Variants in CPA6 observed in about 807,000 individuals in gnomAD.
CPA6 encodes carboxypeptidase B.
A neutral mutation model predicts 63.3 loss-of-function variants in CPA6; 58 were observed. The observed-to-expected ratio is 0.92, with a 90% CI of 0.74 to 1.14. The LOEUF (loss-of-function observed/expected upper bound fraction) is 1.14. Among genes scored for constraint, CPA6 ranks in the 50% most tolerant of loss-of-function variants. CPA6 has a pLI of 0.00. For synonymous variants in CPA6, 185 were observed against 179.0 expected (o/e 1.03, Z -0.27); for missense variants, 565 against 526.6 (o/e 1.07, Z -0.71).
At position 67,537,521 on chromosome 8, in the gene CPA6, T is replaced by C. The variant is rs532009577; in HGVS notation, c.193-19474A>G. Among the ~76,000 whole-genome samples, 16 of 152,348 alleles carry C rather than the reference T, an allele frequency of 1.1e-4. No individual in the cohort carries two copies. The South Asian group carries it at 3.1e-3, about 30-fold the overall frequency. ...ATTCTCTGATGGTAGTTTGTATTTG[T>C]GTGGGATCAGTGGTGATATCCCCTT... On this transcript the variant is annotated intron_variant, in intron 2 of 10. Coordinates refer to ENST00000297770, the MANE Select transcript of CPA6 (RefSeq NM_020361.5).
chr8:67,686,361 T>TG (rs1816708779), intron 1 of CPA6, among the ~76,000 whole-genome samples: 1 of 152,232 alleles, frequency 6.6e-6, no homozygotes. Context: ...GGGCTGCTGT[T>TG]GCCCATCTGT....
intron 1 of CPA6, among the ~76,000 whole-genome samples, chr8:67,723,615 CTTAA>C (rs1248062477): frequency 5.3e-5 from 8 of 152,296 alleles, no homozygotes; most frequent in African/African-American, 1.7e-4. Flanking sequence ...AATTAAAACA[CTTAA>C]TTGTTTTAAT....
chr8:67,546,662 A>T (rs187284184), intron 2 of CPA6, among the ~76,000 whole-genome samples: 2 of 152,252 alleles, frequency 1.3e-5, no homozygotes, highest in Admixed American at 1.3e-4. Context: ...TCAGTAAACC[A>T]GGGGTGGAGT....
intron 1 of CPA6, among the ~76,000 whole-genome samples, chr8:67,641,541 C>T (rs1815591752): frequency 6.6e-6 from 1 of 152,124 alleles, no homozygotes; most frequent in Non-Finnish European, 1.5e-5. Context: ...ATTGAAAGTG[C>T]AGTATGGAGT....
At chr8:67,439,412 C>G (rs1587425767) in intron 8 of CPA6, among the ~76,000 whole-genome samples, 1 of 151,528 alleles carries the variant, frequency 6.6e-6, no homozygotes, top group East Asian at 1.9e-4. Flanking sequence ...CATGGTGAAA[C>G]CCTGTTTCTA....
At chr8:67,440,901 G>A (rs1372035730) in intron 8 of CPA6, among the ~76,000 whole-genome samples, 1 of 152,108 alleles carries the variant, frequency 6.6e-6, no homozygotes, top group Non-Finnish European at 1.5e-5. Context: ...TGTTCACATG[G>A]CTTTCTTCCC....
chr8:67,459,594 T>C (rs921521396), intron 8 of CPA6, among the ~76,000 whole-genome samples: 1 of 152,102 alleles, frequency 6.6e-6, no homozygotes, highest in East Asian at 1.9e-4. Context: ...GGATTCATGG[T>C]TGTCATGGGG....
intron 2 of CPA6, among the ~76,000 whole-genome samples, chr8:67,544,400 C>T (rs1484597814): frequency 3.3e-5 from 5 of 152,152 alleles, no homozygotes; most frequent in Non-Finnish European, 1.5e-5. Context: ...TTGCTTTTTT[C>T]TGTTGTGTGC....
At chr8:67,517,896 T>C (rs2128966791) in intron 3 of CPA6, 27 bp downstream of exon 3, 2 of 1,584,560 alleles carry the variant, frequency 1.3e-6, no homozygotes, top group South Asian at 1.2e-5. Flanking sequence ...CCAATAAATT[T>C]TATAGCAAGT....
At chr8:67,724,271 C>G (rs569761418) in intron 1 of CPA6, among the ~76,000 whole-genome samples, 34 of 152,280 alleles carry the variant, frequency 2.2e-4, no homozygotes, top group Non-Finnish European at 2.2e-4. Flanking sequence ...GCTGTAGGGC[C>G]TCTTGGCACC....
chr8:67,436,981 G>A (rs1192053465), intron 8 of CPA6, among the ~76,000 whole-genome samples: 1 of 152,198 alleles, frequency 6.6e-6, no homozygotes, highest in Admixed American at 6.5e-5. Context: ...AGTTCATGCT[G>A]TAGGGAAGTC....
chr8:67,577,538 A>G (rs1813658908), intron 2 of CPA6, among the ~76,000 whole-genome samples: 1 of 152,174 alleles, frequency 6.6e-6, no homozygotes. Context: ...AAGCGTAAGA[A>G]AGATGGCTAA....
intron 1 of CPA6, among the ~76,000 whole-genome samples, chr8:67,699,518 A>T (rs555355100): frequency 3.3e-5 from 5 of 152,218 alleles, no homozygotes; most frequent in Admixed American, 2.6e-4. Context: ...CAAACAAACA[A>T]ACATTTACAT....
At chr8:67,591,741 C>G (rs1326493735) in intron 2 of CPA6, among the ~76,000 whole-genome samples, 3 of 152,074 alleles carry the variant, frequency 2.0e-5, no homozygotes, top group South Asian at 2.1e-4. Flanking sequence ...GATTTTGTAT[C>G]CTGAGACTTT....
intron 1 of CPA6, among the ~76,000 whole-genome samples, chr8:67,674,505 T>A (rs1816423859): frequency 6.6e-6 from 1 of 152,128 alleles, no homozygotes; most frequent in Admixed American, 6.6e-5. Flanking sequence ...TACTGAAAAA[T>A]TAAATTTCCC....
chr8:67,557,674 C>T (rs1000750890), intron 2 of CPA6, among the ~76,000 whole-genome samples: 6 of 152,182 alleles, frequency 3.9e-5, no homozygotes, highest in Non-Finnish European at 5.9e-5. Flanking sequence ...CCAGTGCCCC[C>T]CTCAGAGGTC....
chr8:67,598,669 A>G (rs1487345181), intron 2 of CPA6, among the ~76,000 whole-genome samples: 2 of 152,158 alleles, frequency 1.3e-5, no homozygotes, highest in African/African-American at 4.8e-5. Context: ...AAAAATAGAC[A>G]AAGACTTCTT....
intron 2 of CPA6, among the ~76,000 whole-genome samples, chr8:67,607,117 CCTCCTCCTCCT>C: frequency 1.1e-5 from 1 of 92,152 alleles, no homozygotes; most frequent in African/African-American, 7.9e-5. Flanking sequence ...TCCTCCTCCT[CCTCCTCCTCCT>C]CCTCCTCCCC....
At chr8:67,480,973 A>G (rs374415813) in intron 8 of CPA6, among the ~76,000 whole-genome samples, 6 of 151,946 alleles carry the variant, frequency 3.9e-5, no homozygotes, top group African/African-American at 1.5e-4. Flanking sequence ...TCTTTTTTGG[A>G]GAGTATCTGT....
Sources: gnomAD v4.1 joint callset for allele counts (sites outside exome capture counted in the v4.1 genomes callset) on GRCh38, gnomAD v4.1.1 for gene constraint, MANE v1.5 for transcripts, NCBI Gene and HGNC (gene_info 2026-07-23, HGNC 2026-07-21) for gene names.